The following SLC45A4 variants were observed in gnomAD, a reference collection of about 807,000 sequenced individuals.
The protein encoded by SLC45A4 is solute carrier family 45 member 4, also known as polyamine-transporter SLC45A4.
A neutral mutation model predicts 63.7 loss-of-function variants in SLC45A4; 32 were observed. The ratio of observed to expected loss-of-function variants is 0.50; its 90% CI spans 0.38 to 0.67. SLC45A4 has a LOEUF of 0.67. SLC45A4 is among the 30% of genes least tolerant of loss of function. The probability of loss-of-function intolerance (pLI) is 0.00; values close to 1 mark genes in which losing one functional copy is unlikely to be tolerated. For synonymous variants in SLC45A4, 535 were observed against 510.0 expected (o/e 1.05, Z -0.66); for missense variants, 1,027 against 1,157.7 (o/e 0.89, Z 1.64).
At position 141,212,135 on chromosome 8, in the gene SLC45A4, GCCGCCCGC is replaced by G. The variant is rs1007022385; in HGVS notation, c.2301+54_2301+61del. The G allele has an allele frequency of 1.8e-4, 97 of 545,788 alleles. No individual in the cohort carries two copies. In the South Asian group the frequency reaches 2.8e-3, roughly 16 times the overall value. The allele number at this position is 545,788 out of a possible 1,614,324, so 33.8% of individuals were successfully genotyped here. A position where few individuals can be genotyped will look rare whatever the true frequency, so the allele number is the denominator to read the frequency against. Reference sequence around the variant, plus strand: ...CTGCTCCCGCCCATGGCCTGGCCCCGCCGCCCGCCCGCCCGCCCACCCGCCCACTGGAA... The same window carrying G: ...CTGCTCCCGCCCATGGCCTGGCCCCGCCGCCCGCCCACCCGCCCACTGGAA... On this transcript the variant is annotated intron_variant, in intron 8 of 8. Coordinates refer to ENST00000517878, the MANE Select transcript of SLC45A4 (RefSeq NM_001286646.2).
chr8:141,248,402 C>T (rs1197241010), intron 2 of SLC45A4, among the ~76,000 whole-genome samples: 1 of 151,642 alleles, frequency 6.6e-6, no homozygotes, highest in Non-Finnish European at 1.5e-5. Flanking sequence ...ACTCCATCTC[C>T]CTAAAAAATT....
At chr8:141,302,728 C>G (rs1830787063) in intron 1 of SLC45A4, among the ~76,000 whole-genome samples, 2 of 152,308 alleles carry the variant, frequency 1.3e-5, no homozygotes, top group African/African-American at 4.8e-5. Flanking sequence ...TCATCACTGA[C>G]AGTGAAAAAG....
chr8:141,249,249 A>G (rs1369543468), intron 2 of SLC45A4, among the ~76,000 whole-genome samples: 1 of 152,138 alleles, frequency 6.6e-6, no homozygotes, highest in East Asian at 1.9e-4. Context: ...AATGAAACAC[A>G]TCCACACAGA....
rs1299981199 is a variant in SLC45A4, at chr8:141,209,195, C to T, written c.*2377G>A. On this transcript the variant is annotated 3_prime_UTR_variant, in exon 9 of 9. Coordinates refer to ENST00000517878, the MANE Select transcript of SLC45A4 (RefSeq NM_001286646.2). ...CCCCAGCCCCGCCTTGTTACTGCAT[C>T]CGTCTGAGGTACAAGGTTAGAAGCC... The T allele has an allele frequency of 6.6e-6, 1 of 152,352 alleles. No homozygotes were observed. The highest frequency in any genetic ancestry group is 1.5e-5 in the Non-Finnish European group (1 of 68,146). 9.4% of individuals were successfully genotyped at this position (152,352 alleles called of 1,614,324 possible).
At position 141,208,516 on chromosome 8, in the gene SLC45A4, C is replaced by T. The variant is rs114705551; in HGVS notation, c.*3056G>A. On this transcript the variant is annotated 3_prime_UTR_variant, in exon 9 of 9. Coordinates refer to ENST00000517878, the MANE Select transcript of SLC45A4 (RefSeq NM_001286646.2). ...GAGGGCTCAGTGGCCCTGCCTCCCC[C>T]CCGGGGACAGGACTGGACAGAGTGC... is the stretch of plus-strand genomic sequence containing the variant. The T allele has an allele frequency of 1.3e-5, 2 of 152,402 alleles. No individual in the cohort carries two copies. Among genetic ancestry groups the T allele is most frequent in the Non-Finnish European group, 2.9e-5 (2 of 68,176 alleles). 9.4% of individuals were successfully genotyped at this position (152,402 alleles called of 1,614,324 possible).
intron 2 of SLC45A4, among the ~76,000 whole-genome samples, chr8:141,239,814 G>C (rs895052378): frequency 6.6e-6 from 1 of 152,218 alleles, no homozygotes; most frequent in East Asian, 1.9e-4. Context: ...GCCTCTGCAG[G>C]TGACTCAGTG....
chr8:141,304,280 C>CACACAT (rs1361330687), intron 1 of SLC45A4, among the ~76,000 whole-genome samples: 1 of 151,854 alleles, frequency 6.6e-6, no homozygotes, highest in Non-Finnish European at 1.5e-5. Context: ...CACACACACA[C>CACACAT]ACACGCAAAG....
chr8:141,217,648 G>A (rs1826243368), intron 5 of SLC45A4, among the ~76,000 whole-genome samples: 1 of 152,230 alleles, frequency 6.6e-6, no homozygotes, highest in African/African-American at 2.4e-5. Flanking sequence ...TACCACAGGG[G>A]CCAGAAGGGC....
intron 2 of SLC45A4, among the ~76,000 whole-genome samples, chr8:141,245,070 G>A (rs996878189): frequency 2.0e-5 from 3 of 151,246 alleles, no homozygotes; most frequent in East Asian, 1.9e-4. Context: ...GCAGGCCCTC[G>A]ACAAGTTACC....
At chr8:141,297,362 C>T (rs765674710) in intron 1 of SLC45A4, among the ~76,000 whole-genome samples, 25 of 152,074 alleles carry the variant, frequency 1.6e-4, no homozygotes, top group Non-Finnish European at 3.4e-4. Flanking sequence ...CCCGCTAAGC[C>T]GAAGCAGAAC....
intron 1 of SLC45A4, among the ~76,000 whole-genome samples, chr8:141,303,310 T>TG (rs1554606060): frequency 2.7e-5 from 4 of 150,820 alleles, no homozygotes; most frequent in Non-Finnish European, 3.0e-5. Flanking sequence ...TTTTGTTTTT[T>TG]TTTTTTTTTT....
At chr8:141,269,574 A>ATGTGTCTGTGTGTGTGGG (rs1253902716) in intron 1 of SLC45A4, among the ~76,000 whole-genome samples, 1 of 141,652 alleles carries the variant, frequency 7.1e-6, no homozygotes, top group Non-Finnish European at 1.5e-5. Context: ...ATGTCTGCCT[A>ATGTGTCTGTGTGTGTGGG]TGTGTCTGTG....
chr8:141,245,922 T>G (rs927371296), intron 2 of SLC45A4, among the ~76,000 whole-genome samples: 6 of 152,200 alleles, frequency 3.9e-5, no homozygotes, highest in Non-Finnish European at 5.9e-5. Flanking sequence ...TGCTCCTAGA[T>G]TCCAAACAAC....
intron 2 of SLC45A4, among the ~76,000 whole-genome samples, chr8:141,248,833 AC>A (rs1402220906): frequency 2.6e-5 from 4 of 151,946 alleles, no homozygotes; most frequent in African/African-American, 9.7e-5. Flanking sequence ...TGGGCAACAT[AC>A]GGTGAAACCC....
intron 1 of SLC45A4, among the ~76,000 whole-genome samples, chr8:141,286,949 G>A (rs1208516317): frequency 6.6e-6 from 1 of 151,992 alleles, no homozygotes; most frequent in Non-Finnish European, 1.5e-5. Context: ...GCGGCCACGG[G>A]GCTCCCTCCT....
At chr8:141,291,562 T>C (rs1830348136) in intron 1 of SLC45A4, among the ~76,000 whole-genome samples, 1 of 152,256 alleles carries the variant, frequency 6.6e-6, no homozygotes, top group Non-Finnish European at 1.5e-5. Flanking sequence ...AGCTATTTTC[T>C]GAAGCTCATC....
At chr8:141,252,822 T>C (rs1242422592) in intron 2 of SLC45A4, among the ~76,000 whole-genome samples, 12 of 148,350 alleles carry the variant, frequency 8.1e-5, no homozygotes, top group African/African-American at 1.2e-4. Flanking sequence ...CCCACCTGCG[T>C]GTCTGTGAAT....
chr8:141,290,111 T>C (rs529584048), intron 1 of SLC45A4, among the ~76,000 whole-genome samples: 1 of 152,222 alleles, frequency 6.6e-6, no homozygotes, highest in African/African-American at 2.4e-5. Flanking sequence ...TAATTATACA[T>C]GTCCATATAT....
At chr8:141,260,983 A>G (rs1202503968) in intron 1 of SLC45A4, among the ~76,000 whole-genome samples, 1 of 152,234 alleles carries the variant, frequency 6.6e-6, no homozygotes, top group African/African-American at 2.4e-5. Flanking sequence ...TCAATAAAAT[A>G]CTGGCAAACC....
Sources: gnomAD v4.1 joint callset for allele counts (sites outside exome capture counted in the v4.1 genomes callset) on GRCh38, gnomAD v4.1.1 for gene constraint, MANE v1.5 for transcripts, NCBI Gene and HGNC (gene_info 2026-07-23, HGNC 2026-07-21) for gene names.